CATSPERT: variants seen among roughly 807,000 people sequenced by gnomAD.
CATSPERT encodes the protein cation channel sperm-associated targeting subunit tau.
chr2:201,615,432 T>C, the CATSPERT span, among the ~76,000 whole-genome samples: 5 of 152,194 alleles, frequency 3.3e-5, no homozygotes, highest in Admixed American at 6.5e-5. Flanking sequence ...ACATGGAAAC[T>C]GAACAACCTC....
chr2:201,496,412 G>C, the CATSPERT span, among the ~76,000 whole-genome samples: 27 of 152,130 alleles, frequency 1.8e-4, no homozygotes, highest in African/African-American at 6.0e-4. Context: ...GCATGATCTT[G>C]GCTCACTGCA....
At chr2:201,487,791 G>C in the CATSPERT span, 1 of 1,614,018 alleles carries the variant, frequency 6.2e-7, no homozygotes, top group Non-Finnish European at 8.5e-7. Context: ...TGTCTGGCAT[G>C]GTTATGGATA....
chr2:201,566,960 G>A, the CATSPERT span, among the ~76,000 whole-genome samples: 1 of 152,172 alleles, frequency 6.6e-6, no homozygotes, highest in Non-Finnish European at 1.5e-5. Flanking sequence ...AAGAAAGCTA[G>A]TGTTAGAAAG....
the CATSPERT span, among the ~76,000 whole-genome samples, chr2:201,517,847 C>T: frequency 3.3e-5 from 5 of 152,206 alleles, no homozygotes; most frequent in Non-Finnish European, 7.3e-5. Flanking sequence ...ACAAGGTCTC[C>T]TCAGCTAGAG....
At chr2:201,562,186 TC>T in the CATSPERT span, among the ~76,000 whole-genome samples, 14 of 123,486 alleles carry the variant, frequency 1.1e-4, no homozygotes, top group African/African-American at 3.7e-4. Flanking sequence ...CTCTAATAAT[TC>T]TTTTTTTTTT....
At chr2:201,551,833 G>A in the CATSPERT span, among the ~76,000 whole-genome samples, 4 of 151,360 alleles carry the variant, frequency 2.6e-5, no homozygotes, top group Non-Finnish European at 5.9e-5. Flanking sequence ...GCTTTAACCC[G>A]GGAGCCGGAG....
chr2:201,498,757 C>T, the CATSPERT span, among the ~76,000 whole-genome samples: 1 of 152,146 alleles, frequency 6.6e-6, no homozygotes, highest in African/African-American at 2.4e-5. Context: ...TTCGTTATCA[C>T]CCCTCTCTTT....
At chr2:201,489,364 A>C in the CATSPERT span, among the ~76,000 whole-genome samples, 1 of 152,136 alleles carries the variant, frequency 6.6e-6, no homozygotes, top group Non-Finnish European at 1.5e-5. Flanking sequence ...TTTGAAGACT[A>C]TCACCCCATC....
At chr2:201,544,585 C>T in the CATSPERT span, among the ~76,000 whole-genome samples, 2 of 151,818 alleles carry the variant, frequency 1.3e-5, no homozygotes, top group Non-Finnish European at 2.9e-5. Context: ...AAACACACTC[C>T]TCTACATAAA....
At chr2:201,605,871 A>C in the CATSPERT span, among the ~76,000 whole-genome samples, 1 of 152,358 alleles carries the variant, frequency 6.6e-6, no homozygotes, top group South Asian at 2.1e-4. Context: ...AGAAAAAATG[A>C]AATGAGTGTT....
the CATSPERT span, chr2:201,547,576 T>C: frequency 6.5e-7 from 1 of 1,545,054 alleles, no homozygotes; most frequent in Non-Finnish European, 8.8e-7. Context: ...ATCCATGTAT[T>C]CAGATTTCTA....
At chr2:201,584,959 A>T in the CATSPERT span, among the ~76,000 whole-genome samples, 1 of 152,174 alleles carries the variant, frequency 6.6e-6, no homozygotes. Flanking sequence ...CAGAAAGAGG[A>T]AGATACATTA....
the CATSPERT span, among the ~76,000 whole-genome samples, chr2:201,521,453 A>AGAGAGAGAGAG: frequency 1.7e-4 from 26 of 150,790 alleles, no homozygotes; most frequent in East Asian, 2.4e-3. Context: ...GAGAGAGAGA[A>AGAGAGAGAGAG]AGAGACACAC....
the CATSPERT span, among the ~76,000 whole-genome samples, chr2:201,616,133 G>C: frequency 2.0e-5 from 3 of 152,222 alleles, no homozygotes; most frequent in African/African-American, 7.2e-5. Flanking sequence ...GAGGTACAAA[G>C]AGGAGGTGGT....
chr2:201,615,310 A>C, the CATSPERT span, among the ~76,000 whole-genome samples: 1 of 152,222 alleles, frequency 6.6e-6, no homozygotes, highest in African/African-American at 2.4e-5. Context: ...TTGGAAGTAA[A>C]GCACTCCTCA....
At chr2:201,533,472 G>A in the CATSPERT span, among the ~76,000 whole-genome samples, 1 of 152,154 alleles carries the variant, frequency 6.6e-6, no homozygotes, top group East Asian at 1.9e-4. Flanking sequence ...GAATTTAAGT[G>A]TCTGTTCCAA....
the CATSPERT span, chr2:201,491,473 G>A: frequency 6.5e-7 from 1 of 1,536,766 alleles, no homozygotes; most frequent in Admixed American, 2.0e-5. Flanking sequence ...TATATAAAGA[G>A]TTTGTATTTC....
At chr2:201,595,374 G>A in the CATSPERT span, among the ~76,000 whole-genome samples, 6 of 151,902 alleles carry the variant, frequency 3.9e-5, no homozygotes, top group Non-Finnish European at 8.8e-5. Flanking sequence ...ATTTTTAGTA[G>A]AGACGGGGTT....
At chr2:201,583,843 A>T in the CATSPERT span, among the ~76,000 whole-genome samples, 1 of 152,230 alleles carries the variant, frequency 6.6e-6, no homozygotes, top group Non-Finnish European at 1.5e-5. Flanking sequence ...AGCTATGTTT[A>T]CTATGTTTAA....
Sources: allele counts gnomAD v4.1 joint callset (sites outside exome capture counted in the v4.1 genomes callset), GRCh38; gene constraint gnomAD v4.1.1; transcripts MANE v1.5; gene names NCBI Gene and HGNC (gene_info 2026-07-23, HGNC 2026-07-21).